RUNDC3B: variants seen among roughly 807,000 people sequenced by gnomAD.
The protein encoded by RUNDC3B is RUN domain-containing protein 3B.
A neutral mutation model predicts 58.4 loss-of-function variants in RUNDC3B; 33 were observed. The observed-to-expected ratio is 0.56, with a 90% CI of 0.43 to 0.75. The LOEUF is 0.75. Ranked by LOEUF, RUNDC3B falls within the 30% of genes least tolerant of loss-of-function variation. RUNDC3B has a pLI of 0.00. For synonymous variants in RUNDC3B, 193 were observed against 195.2 expected, an observed-to-expected ratio of 0.99 and a Z score of 0.10; for missense variants, 501 against 535.7, an observed-to-expected ratio of 0.94 and a Z score of 0.64.
At chr7:87,721,966 A>T (rs1368391813) in intron 4 of RUNDC3B, among the ~76,000 whole-genome samples, 3 of 152,002 alleles carry the variant, frequency 2.0e-5, no homozygotes, top group Non-Finnish European at 4.4e-5. Flanking sequence ...GTCTTACATT[A>T]TCACATTTTT....
chr7:87,783,391 G>A (rs555657712), intron 8 of RUNDC3B, among the ~76,000 whole-genome samples: 1 of 152,086 alleles, frequency 6.6e-6, no homozygotes, highest in Non-Finnish European at 1.5e-5. Context: ...GAGCCTGTGG[G>A]TTTCATTATG....
At chr7:87,749,817 G>A (rs1219059466) in intron 6 of RUNDC3B, among the ~76,000 whole-genome samples, 1 of 151,118 alleles carries the variant, frequency 6.6e-6, no homozygotes, top group Non-Finnish European at 1.5e-5. Context: ...TTTGATGGAT[G>A]GCTTTTCAGC....
intron 1 of RUNDC3B, among the ~76,000 whole-genome samples, chr7:87,646,600 A>G (rs933660735): frequency 6.6e-6 from 1 of 152,196 alleles, no homozygotes; most frequent in Non-Finnish European, 1.5e-5. Context: ...AGAGAAATAC[A>G]TTCAGAAATT....
intron 4 of RUNDC3B, among the ~76,000 whole-genome samples, chr7:87,736,873 ATATATATATATATATATTT>A (rs1454467045): frequency 3.7e-4 from 14 of 37,624 alleles, no homozygotes; most frequent in Non-Finnish European, 5.6e-4. Context: ...ATATATATAT[ATATATATATATATATATTT>A]TTTTTTTTTT....
chr7:87,800,787 C>T (rs1000884005), intron 8 of RUNDC3B, among the ~76,000 whole-genome samples: 5 of 151,840 alleles, frequency 3.3e-5, no homozygotes, highest in Admixed American at 6.6e-5. Context: ...GCTAGGACTA[C>T]AAGCATGTAC....
At chr7:87,816,757 T>C (rs145752866) in intron 10 of RUNDC3B, among the ~76,000 whole-genome samples, 114 of 152,350 alleles carry the variant, frequency 7.5e-4, no homozygotes, top group African/African-American at 2.7e-3. Context: ...AGATGTGCAA[T>C]ATCAGCCTCT....
chr7:87,821,537 CTACTT>C (rs1237997654), intron 10 of RUNDC3B, among the ~76,000 whole-genome samples: 2 of 152,166 alleles, frequency 1.3e-5, no homozygotes, highest in South Asian at 4.1e-4. Context: ...TTGGAAAAAA[CTACTT>C]TAAAGTTCAT....
chr7:87,824,203 C>G (rs774812141), intron 10 of RUNDC3B, among the ~76,000 whole-genome samples: 11 of 152,064 alleles, frequency 7.2e-5, no homozygotes, highest in Non-Finnish European at 1.5e-5. Flanking sequence ...GAAATCAAAA[C>G]CTAAGAACAT....
intron 1 of RUNDC3B, among the ~76,000 whole-genome samples, chr7:87,640,499 A>G (rs1822322516): frequency 6.6e-6 from 1 of 151,596 alleles, no homozygotes; most frequent in Non-Finnish European, 1.5e-5. Context: ...ATGCACCACC[A>G]CACCCAGCTA....
chr7:87,631,341 C>G (rs146922009), intron 1 of RUNDC3B, among the ~76,000 whole-genome samples: 276 of 152,304 alleles, frequency 1.8e-3, no homozygotes, highest in African/African-American at 6.5e-3. Flanking sequence ...TCCAGAGTCA[C>G]CAAACCCTGG....
At chr7:87,694,367 T>C (rs1401956594) in intron 2 of RUNDC3B, among the ~76,000 whole-genome samples, 1 of 152,176 alleles carries the variant, frequency 6.6e-6, no homozygotes, top group Non-Finnish European at 1.5e-5. Context: ...CCAGGTAGAA[T>C]GCATGCCTTT....
At chr7:87,747,973 G>T (rs572005496) in intron 6 of RUNDC3B, among the ~76,000 whole-genome samples, 1 of 152,092 alleles carries the variant, frequency 6.6e-6, no homozygotes, top group Non-Finnish European at 1.5e-5. Flanking sequence ...CTGGATTTGC[G>T]CTCTTCCCCG....
chr7:87,706,170 A>G (rs560006812), intron 3 of RUNDC3B, among the ~76,000 whole-genome samples: 1 of 152,320 alleles, frequency 6.6e-6, no homozygotes, highest in East Asian at 1.9e-4. Context: ...GCATCTTTCC[A>G]TCCAATAAAT....
At chr7:87,743,006 C>G (rs1832429731) in intron 6 of RUNDC3B, among the ~76,000 whole-genome samples, 1 of 151,784 alleles carries the variant, frequency 6.6e-6, no homozygotes, top group African/African-American at 2.4e-5. Flanking sequence ...CCCCACTACT[C>G]AGGAGGCTGA....
At chr7:87,642,030 A>G (rs1402059601) in intron 1 of RUNDC3B, among the ~76,000 whole-genome samples, 1 of 151,974 alleles carries the variant, frequency 6.6e-6, no homozygotes, top group Non-Finnish European at 1.5e-5. Flanking sequence ...TTATACGTGG[A>G]CGATATGCTT....
At chr7:87,819,949 T>C (rs978042752) in intron 10 of RUNDC3B, among the ~76,000 whole-genome samples, 12 of 151,678 alleles carry the variant, frequency 7.9e-5, no homozygotes, top group African/African-American at 2.9e-4. Flanking sequence ...AGATCCAAAA[T>C]TGACACCCTA....
chr7:87,640,501 A>G (rs981565218), intron 1 of RUNDC3B, among the ~76,000 whole-genome samples: 2 of 151,204 alleles, frequency 1.3e-5, no homozygotes, highest in African/African-American at 4.9e-5. Context: ...GCACCACCAC[A>G]CCCAGCTAAT....
At chr7:87,637,959 T>A (rs1275055640) in intron 1 of RUNDC3B, among the ~76,000 whole-genome samples, 3 of 152,126 alleles carry the variant, frequency 2.0e-5, no homozygotes, top group Non-Finnish European at 4.4e-5. Flanking sequence ...CAAAATTTTA[T>A]TATTAAATAG....
intron 6 of RUNDC3B, among the ~76,000 whole-genome samples, chr7:87,746,018 T>C (rs1172371651): frequency 1.3e-5 from 2 of 152,200 alleles, no homozygotes; most frequent in African/African-American, 2.4e-5. Flanking sequence ...GTTGTTCAGT[T>C]TGAAAAATTT....
Sources: gnomAD v4.1 joint callset for allele counts (sites outside exome capture counted in the v4.1 genomes callset) on GRCh38, gnomAD v4.1.1 for gene constraint, MANE v1.5 for transcripts, NCBI Gene and HGNC (gene_info 2026-07-23, HGNC 2026-07-21) for gene names.